The following PTPRD variants were observed in gnomAD, a reference collection of about 807,000 sequenced individuals.
PTPRD encodes the protein receptor-type tyrosine-protein phosphatase delta.
A neutral mutation model predicts 214.5 loss-of-function variants in PTPRD; 34 were observed. The observed-to-expected ratio is 0.16, with a 90% confidence interval of 0.12 to 0.21. The LOEUF (loss-of-function observed/expected upper bound fraction) is 0.21. PTPRD is among the 10% of genes least tolerant of loss of function. PTPRD has a pLI of 1.00. For synonymous variants in PTPRD, 1,128 were observed against 845.7 expected (o/e 1.33, Z -5.79); for missense variants, 2,545 against 2,398.7 (o/e 1.06, Z -1.27).
chr9:9,360,160 C>T (rs1481317305), intron 9 of PTPRD, among the ~76,000 whole-genome samples: 1 of 150,600 alleles, frequency 6.6e-6, no homozygotes, highest in Non-Finnish European at 1.5e-5. Context: ...GGAAGTGATT[C>T]TAAAAATCTG....
chr9:8,471,937 C>G (rs1272406943), intron 30 of PTPRD, among the ~76,000 whole-genome samples: 1 of 152,122 alleles, frequency 6.6e-6, no homozygotes, highest in Non-Finnish European at 1.5e-5. Context: ...TATACAAGGA[C>G]TTTGAACATA....
chr9:9,286,018 C>T (rs1018961879), intron 9 of PTPRD, among the ~76,000 whole-genome samples: 3 of 151,742 alleles, frequency 2.0e-5, no homozygotes, highest in Non-Finnish European at 2.9e-5. Context: ...ATTTCCATTG[C>T]CATCCCCCAC....
chr9:9,233,946 T>G (rs1249244844), intron 9 of PTPRD, among the ~76,000 whole-genome samples: 1 of 152,156 alleles, frequency 6.6e-6, no homozygotes, highest in Non-Finnish European at 1.5e-5. Flanking sequence ...AAGCTGTCAG[T>G]GGATCTAGCA....
At chr9:9,313,510 C>T (rs1960460205) in intron 9 of PTPRD, among the ~76,000 whole-genome samples, 1 of 152,158 alleles carries the variant, frequency 6.6e-6, no homozygotes, top group Non-Finnish European at 1.5e-5. Flanking sequence ...TGGTAGGAAT[C>T]ATCTAATGAT....
chr9:10,388,568 T>G (rs1481359628), intron 2 of PTPRD, among the ~76,000 whole-genome samples: 2 of 151,756 alleles, frequency 1.3e-5, no homozygotes, highest in African/African-American at 4.8e-5. Flanking sequence ...TAATTTATAT[T>G]TATAGTTAGA....
intron 3 of PTPRD, among the ~76,000 whole-genome samples, chr9:10,208,015 C>G (rs1401097196): frequency 6.6e-6 from 1 of 152,176 alleles, no homozygotes. Flanking sequence ...CCTGCACATA[C>G]ACAACATAAA....
intron 35 of PTPRD, among the ~76,000 whole-genome samples, chr9:8,422,855 T>C (rs2094449805): frequency 6.6e-6 from 1 of 152,166 alleles, no homozygotes; most frequent in African/African-American, 2.4e-5. Context: ...TAATTACTGG[T>C]AGTGGGTGGT....
chr9:8,926,391 T>C (rs1173368843), intron 11 of PTPRD, among the ~76,000 whole-genome samples: 1 of 152,178 alleles, frequency 6.6e-6, no homozygotes, highest in Non-Finnish European at 1.5e-5. Context: ...GGGTAAACAC[T>C]AGGTCCTAGG....
intron 6 of PTPRD, among the ~76,000 whole-genome samples, chr9:9,742,921 A>C (rs558741924): frequency 6.6e-6 from 1 of 152,322 alleles, no homozygotes; most frequent in East Asian, 1.9e-4. Context: ...GAGACCTAAA[A>C]TCAATTATAC....
intron 9 of PTPRD, among the ~76,000 whole-genome samples, chr9:9,330,000 A>G (rs1171426108): frequency 1.3e-5 from 2 of 152,146 alleles, no homozygotes; most frequent in Non-Finnish European, 2.9e-5. Flanking sequence ...AGTTCTCACA[A>G]AGAACATTTG....
chr9:8,951,886 G>A (rs10816019), intron 11 of PTPRD, among the ~76,000 whole-genome samples: 46,596 of 151,744 alleles, frequency 0.31, 7,502 homozygotes, highest in Non-Finnish European at 0.36. Context: ...TCTCCAGTGC[G>A]TTTCTAAACC....
At position 10,478,424 on chromosome 9, in the gene PTPRD, C is replaced by A. The variant is rs544646670; in HGVS notation, c.-600+133974G>T. 1.5e-4 allele frequency among the ~76,000 whole-genome samples: 23 copies of A among 152,252 alleles called. No homozygotes were observed. The South Asian group carries it at 4.6e-3, about 30-fold the overall frequency. Reference sequence around the variant, plus strand: ...TGTACAAAGGAGATAATACCCGTATCTGGAAACTACTTAGCATTTCCCAGT... The same window carrying A: ...TGTACAAAGGAGATAATACCCGTATATGGAAACTACTTAGCATTTCCCAGT... On this transcript the variant is annotated intron_variant, in intron 2 of 45. Coordinates refer to ENST00000381196, the MANE Select transcript of PTPRD (RefSeq NM_002839.4).
chr9:9,887,336 T>C (rs2071337180), intron 5 of PTPRD, among the ~76,000 whole-genome samples: 1 of 152,180 alleles, frequency 6.6e-6, no homozygotes, highest in Admixed American at 6.6e-5. Flanking sequence ...CACTGAGATA[T>C]GAATCCTCAA....
intron 2 of PTPRD, among the ~76,000 whole-genome samples, chr9:10,572,691 G>C (rs2132022461): frequency 6.6e-6 from 1 of 152,110 alleles, no homozygotes; most frequent in South Asian, 2.1e-4. Context: ...AATTTACATA[G>C]AATATTTATT....
At chr9:9,192,623 T>A (rs564544556) in intron 9 of PTPRD, among the ~76,000 whole-genome samples, 1 of 152,074 alleles carries the variant, frequency 6.6e-6, no homozygotes, top group Non-Finnish European at 1.5e-5. Flanking sequence ...ATAAAACAAA[T>A]AGAGAGTCCA....
chr9:8,333,765 G>C (rs1288642513), intron 43 of PTPRD, among the ~76,000 whole-genome samples: 2 of 152,048 alleles, frequency 1.3e-5, no homozygotes, highest in African/African-American at 2.4e-5. Flanking sequence ...TGGCCAATTG[G>C]ATAAAGAGTA....
At chr9:9,638,642 C>T (rs189715634) in intron 7 of PTPRD, among the ~76,000 whole-genome samples, 2 of 152,308 alleles carry the variant, frequency 1.3e-5, no homozygotes, top group Admixed American at 6.5e-5. Context: ...CTTCCAGCCT[C>T]TATCCATTAC....
At chr9:9,257,783 C>T (rs2099978362) in intron 9 of PTPRD, among the ~76,000 whole-genome samples, 1 of 151,718 alleles carries the variant, frequency 6.6e-6, no homozygotes, top group South Asian at 2.1e-4. Flanking sequence ...GACCCTGTCT[C>T]AATTAAAAAA....
Position 9,329,559 on chromosome 9 carries a change from A to G in PTPRD, c.-203+67890T>C, listed in dbSNP as rs532934531. On this transcript the variant is annotated intron_variant, in intron 9 of 45. Coordinates refer to ENST00000381196, the MANE Select transcript of PTPRD (RefSeq NM_002839.4). Reference sequence around the variant, plus strand: ...GGATATACAAAAGCCAAGAATAATTAAACAGCTCCTCTCATCCTAACCCCA... The same window carrying G: ...GGATATACAAAAGCCAAGAATAATTGAACAGCTCCTCTCATCCTAACCCCA... Among the ~76,000 whole-genome samples the G allele has an allele frequency of 2.3e-4, 35 of 152,314 alleles. No homozygotes were observed. In the South Asian group the frequency reaches 2.7e-3, roughly 12 times the overall value.
Sources: allele counts gnomAD v4.1 joint callset (sites outside exome capture counted in the v4.1 genomes callset), GRCh38; gene constraint gnomAD v4.1.1; transcripts MANE v1.5; gene names NCBI Gene and HGNC (gene_info 2026-07-23, HGNC 2026-07-21).